MAPRE2: variants seen among roughly 807,000 people sequenced by gnomAD.
The protein encoded by MAPRE2 is microtubule-associated protein RP/EB family member 2.
Under a neutral mutation model 43.2 loss-of-function variants are expected in MAPRE2, and 13 were observed. The ratio of observed to expected loss-of-function variants is 0.30; its 90% CI spans 0.20 to 0.48. The LOEUF (loss-of-function observed/expected upper bound fraction) is 0.48, where lower values mean the gene tolerates loss of function less well. MAPRE2 is among the 20% of genes least tolerant of loss of function. MAPRE2 has a pLI of 0.99. For synonymous variants in MAPRE2, 135 were observed against 148.8 expected (o/e 0.91, Z 0.68); for missense variants, 161 against 400.2 (o/e 0.40, Z 5.10).
chr18:35,093,851 T>C (rs1908275591), intron 2 of MAPRE2, among the ~76,000 whole-genome samples: 1 of 152,208 alleles, frequency 6.6e-6, no homozygotes, highest in South Asian at 2.1e-4. Context: ...GGCATTCTGT[T>C]ATACAGTATG....
At chr18:35,100,455 A>T (rs1359542926) in intron 3 of MAPRE2, among the ~76,000 whole-genome samples, 1 of 152,198 alleles carries the variant, frequency 6.6e-6, no homozygotes, top group South Asian at 2.1e-4. Flanking sequence ...CAGCAATCCC[A>T]TTATTGGGTA....
At chr18:34,988,614 G>T (rs2097022213) in intron 1 of MAPRE2, 1 of 152,116 alleles carries the variant, frequency 6.6e-6, no homozygotes, top group South Asian at 2.1e-4. Context: ...ACTATTATAG[G>T]ATGTGGTTTC....
intron 4 of MAPRE2, among the ~76,000 whole-genome samples, chr18:35,110,436 G>A (rs186788542): frequency 6.6e-6 from 1 of 152,182 alleles, no homozygotes; most frequent in East Asian, 1.9e-4. Context: ...GAAAACTTAT[G>A]TGGTTCACAT....
chr18:35,041,285 C>A (rs369849637), upstream of MAPRE2: 11 of 1,374,806 alleles, frequency 8.0e-6, no homozygotes, highest in Admixed American at 3.0e-5. Flanking sequence ...CGAATTGAGG[C>A]GAGGTGATGA....
intron 6 of MAPRE2, among the ~76,000 whole-genome samples, chr18:35,135,768 T>C (rs1910362974): frequency 6.6e-6 from 1 of 152,228 alleles, no homozygotes; most frequent in Non-Finnish European, 1.5e-5. Flanking sequence ...GCAGGGATGA[T>C]GTACATGGCG....
At chr18:35,095,392 A>ACGCACG (rs1555917936) in intron 2 of MAPRE2, among the ~76,000 whole-genome samples, 1 of 149,550 alleles carries the variant, frequency 6.7e-6, no homozygotes, top group African/African-American at 2.5e-5. Context: ...ACACACACAC[A>ACGCACG]CACACACACG....
intron 3 of MAPRE2, among the ~76,000 whole-genome samples, chr18:35,100,397 A>G (rs1362261111): frequency 6.6e-6 from 1 of 152,222 alleles, no homozygotes; most frequent in African/African-American, 2.4e-5. Context: ...CATTGTGGAA[A>G]GCAATGTGGC....
chr18:35,123,012 C>CTAGAAGGGGGAG (rs1257224517), intron 4 of MAPRE2, among the ~76,000 whole-genome samples: 1 of 152,254 alleles, frequency 6.6e-6, no homozygotes, highest in Non-Finnish European at 1.5e-5. Context: ...GTAACTGCAG[C>CTAGAAGGGGGAG]AGCTGTGCCC....
chr18:35,014,894 A>G (rs1334081698), intron 2 of MAPRE2, among the ~76,000 whole-genome samples: 2 of 152,062 alleles, frequency 1.3e-5, no homozygotes, highest in African/African-American at 4.8e-5. Context: ...ATTGCCATAG[A>G]TTTTTGCCTT....
intron 1 of MAPRE2, among the ~76,000 whole-genome samples, chr18:34,989,913 C>T (rs890823519): frequency 5.3e-4 from 80 of 152,120 alleles, no homozygotes; most frequent in African/African-American, 1.7e-3. Context: ...TCCTAACCTC[C>T]TAACCATGGT....
intron 2 of MAPRE2, among the ~76,000 whole-genome samples, chr18:35,012,286 G>A (rs2097035283): frequency 6.6e-6 from 1 of 152,130 alleles, no homozygotes; most frequent in African/African-American, 2.4e-5. Flanking sequence ...GGAAGAAAAA[G>A]AAATGAATTA....
chr18:34,996,700 G>A (rs994948953), intron 1 of MAPRE2, among the ~76,000 whole-genome samples: 2 of 152,234 alleles, frequency 1.3e-5, no homozygotes, highest in Non-Finnish European at 2.9e-5. Context: ...AGCCCCTGAT[G>A]TACTGTAGCT....
intron 3 of MAPRE2, among the ~76,000 whole-genome samples, chr18:35,100,373 A>T (rs1312735771): frequency 1.3e-5 from 2 of 152,236 alleles, no homozygotes; most frequent in Non-Finnish European, 2.9e-5. Context: ...TGTTGGTAGG[A>T]GTATAAATTA....
intron 2 of MAPRE2, among the ~76,000 whole-genome samples, chr18:35,026,189 T>C (rs1415650902): frequency 6.6e-6 from 1 of 152,082 alleles, no homozygotes; most frequent in South Asian, 2.1e-4. Flanking sequence ...AGGACATACC[T>C]GTCCCCCTGT....
At chr18:35,009,430 G>A (rs1291487476) in intron 2 of MAPRE2, among the ~76,000 whole-genome samples, 1 of 152,196 alleles carries the variant, frequency 6.6e-6, no homozygotes, top group African/African-American at 2.4e-5. Flanking sequence ...TGATAAGCAG[G>A]CTAGCTTGCC....
chr18:34,983,095 T>C (rs1383477884), intron 1 of MAPRE2, among the ~76,000 whole-genome samples: 2 of 152,234 alleles, frequency 1.3e-5, no homozygotes, highest in South Asian at 2.1e-4. Context: ...TACCCCAGTT[T>C]AACATACTTC....
At chr18:35,133,443 T>C (rs1365128443) in intron 6 of MAPRE2, among the ~76,000 whole-genome samples, 1 of 152,174 alleles carries the variant, frequency 6.6e-6, no homozygotes, top group African/African-American at 2.4e-5. Context: ...GCTGCCACAG[T>C]GTCACATATA....
chr18:35,090,875 A>G (rs1603400044), intron 2 of MAPRE2, among the ~76,000 whole-genome samples: 1 of 152,218 alleles, frequency 6.6e-6, no homozygotes, highest in African/African-American at 2.4e-5. Flanking sequence ...GTTGCAGGAT[A>G]CAAAATCAGC....
chr18:35,021,302 C>A (rs273349), intron 2 of MAPRE2, among the ~76,000 whole-genome samples: 102,640 of 151,964 alleles, frequency 0.68, 35,962 homozygotes, highest in East Asian at 0.98. Context: ...CAGTTTTGCT[C>A]CCATCTTCCC....
Sources: gnomAD v4.1 joint callset for allele counts (sites outside exome capture counted in the v4.1 genomes callset) on GRCh38, gnomAD v4.1.1 for gene constraint, MANE v1.5 for transcripts, NCBI Gene and HGNC (gene_info 2026-07-23, HGNC 2026-07-21) for gene names.